The following TOGARAM2 variants were observed in gnomAD, a reference collection of about 807,000 sequenced individuals.
TOGARAM2 encodes the protein TOG array regulator of axonemal microtubules protein 2.
Under a neutral mutation model 93.3 loss-of-function variants are expected in TOGARAM2, and 85 were observed. That is an observed-to-expected ratio of 0.91 (90% CI 0.76 to 1.09). The LOEUF is 1.09. TOGARAM2 is among the 50% of genes least tolerant of loss of function. The probability of loss-of-function intolerance (pLI) is 0.00; values close to 1 mark genes in which losing one functional copy is unlikely to be tolerated. For synonymous variants in TOGARAM2, 593 were observed against 552.8 expected, an observed-to-expected ratio of 1.07 and a Z score of -1.02; for missense variants, 1,277 against 1,334.5, an observed-to-expected ratio of 0.96 and a Z score of 0.67.
In TOGARAM2 at chr2:28,998,053, C is replaced by G. The variant is rs998979329; in HGVS notation, c.29-90C>G. On this transcript the variant is annotated intron_variant, in intron 2 of 19. Transcript: ENST00000379558. ...GGCAGGGACCCTGCGGGGTGGAGTGCTCAGGGTTACGGCCGGGTGTTCTTG... is the reference window on the plus strand; with the variant it reads ...GGCAGGGACCCTGCGGGGTGGAGTGGTCAGGGTTACGGCCGGGTGTTCTTG... 3.4e-6 allele frequency: 3 copies of G among 889,168 alleles called. No individual in the cohort carries two copies. The African/African-American group carries it at 5.1e-5, about 15-fold the overall frequency. 55.1% of individuals were successfully genotyped at this position (889,168 alleles called of 1,614,324 possible).
At chr2:28,973,806 G>A (rs1000876908) in intron 1 of TOGARAM2, among the ~76,000 whole-genome samples, 1 of 152,160 alleles carries the variant, frequency 6.6e-6, no homozygotes, top group Non-Finnish European at 1.5e-5. Flanking sequence ...TAGGATTACA[G>A]GAATGAGCCA....
chr2:29,022,948 C>A, intron 11 of TOGARAM2, 138 bp from the exon 12 acceptor site: 2 of 688,488 alleles, frequency 2.9e-6, no homozygotes, highest in South Asian at 1.8e-5. Flanking sequence ...GGAAACCCTG[C>A]TCTGAGGCCA....
At chr2:29,044,560 A>T (rs928067448) in intron 18 of TOGARAM2, among the ~76,000 whole-genome samples, 1 of 151,984 alleles carries the variant, frequency 6.6e-6, no homozygotes. Flanking sequence ...CCAGTCAGTC[A>T]CCCTGGCCTC....
At chr2:28,978,813 T>C (rs536829792), upstream of TOGARAM2, among the ~76,000 whole-genome samples, 11 of 152,198 alleles carry the variant, frequency 7.2e-5, no homozygotes, top group African/African-American at 2.6e-4. Context: ...GGGCAATGAC[T>C]GGGAACACTG....
intron 1 of TOGARAM2, among the ~76,000 whole-genome samples, chr2:28,973,783 T>C (rs6744539): frequency 0.47 from 71,100 of 151,850 alleles, 17,758 homozygotes; most frequent in Middle Eastern, 0.56. Context: ...CTGCCTCAGC[T>C]TCCCTTAAGT....
chr2:29,051,539 G>A, intron 19 of TOGARAM2: 1 of 446,844 alleles, frequency 2.2e-6, no homozygotes, highest in Non-Finnish European at 3.9e-6. Flanking sequence ...GTTGGTATAA[G>A]CACAGATATA....
intron 1 of TOGARAM2, among the ~76,000 whole-genome samples, chr2:28,989,080 T>C (rs1243028478): frequency 6.6e-6 from 1 of 152,202 alleles, no homozygotes; most frequent in Non-Finnish European, 1.5e-5. Context: ...GCTGGAGTCT[T>C]GCTCTGTCGC....
intron 19 of TOGARAM2, chr2:29,048,002 C>T (rs1475712353): frequency 6.6e-6 from 1 of 152,328 alleles, no homozygotes; most frequent in East Asian, 1.9e-4. Context: ...AGCCTGTTCT[C>T]ATGCTGCTGA....
intron 7 of TOGARAM2, among the ~76,000 whole-genome samples, chr2:29,012,853 G>T (rs1572704034): frequency 6.6e-6 from 1 of 152,176 alleles, no homozygotes; most frequent in African/African-American, 2.4e-5. Flanking sequence ...TGGCCAGGTG[G>T]TGCCTACCAC....
Position 29,003,649 on chromosome 2 carries a change from G to A in TOGARAM2, c.797G>A (p.Gly266Glu). 6.3e-7 allele frequency: 1 copy of A among 1,585,118 alleles called. No homozygotes were observed. Among genetic ancestry groups the A allele is most frequent in the Non-Finnish European group, 8.6e-7 (1 of 1,167,042 alleles). The stretch of plus-strand genomic sequence containing the variant: ...CCCAGCCCGTTACCTCCAGGCCAGG[G>A]AGTCCTCACAGGCCTGAGGGCCCCA... ...SLPSPLPPGQ[G>E]VLTGLRAPRT... The change falls in exon 6 of 20, where the codon GGA becomes GAA. Residue 266 changes from glycine (G) to glutamate (E), a missense_variant. By Grantham distance (98) the Gly-to-Glu change is moderately conservative (BLOSUM62 -2). Transcript: ENST00000379558.
chr2:29,021,065 C>T (rs1462343403), intron 10 of TOGARAM2, among the ~76,000 whole-genome samples: 1 of 152,140 alleles, frequency 6.6e-6, no homozygotes, highest in African/African-American at 2.4e-5. Flanking sequence ...AGGCATGTAC[C>T]ACTATGCCCA....
In TOGARAM2 at chr2:29,017,917, A is replaced by G. The variant is rs1109758; in HGVS notation, c.1321A>G (p.Ile441Val). ...CCGGGCCTCCCTGCCCAGCATCCCC[A>G]TCAGCCGGCAGGAGCCCCGCTTTGC... ...ASRASLPSIPISRQEPRFARH... is the reference protein window; with the variant it reads ...ASRASLPSIPVSRQEPRFARH... Residue 441 changes from isoleucine to valine, a missense_variant, in exon 10 of 20, where the codon ATC becomes GTC. Coordinates refer to ENST00000379558, the MANE Select transcript of TOGARAM2 (RefSeq NM_199280.4). The G allele has an allele frequency of 0.34, 548,756 of 1,608,610 alleles. 97,722 individuals are homozygous for G. The highest frequency in any genetic ancestry group is 0.61 in the African/African-American group (45,801 of 74,842).
At chr2:28,991,909 G>T (rs1672751234) in intron 1 of TOGARAM2, among the ~76,000 whole-genome samples, 1 of 152,322 alleles carries the variant, frequency 6.6e-6, no homozygotes, top group East Asian at 1.9e-4. Flanking sequence ...CATTCCCTGG[G>T]CTGGGAAACG....
intron 18 of TOGARAM2, among the ~76,000 whole-genome samples, chr2:29,037,894 G>A (rs192476129): frequency 1.1e-4 from 16 of 152,218 alleles, no homozygotes; most frequent in Admixed American, 2.0e-4. Flanking sequence ...AAATCACCAT[G>A]GGCCTTGGAT....
chr2:29,006,434 A>ATG (rs1215999269), intron 6 of TOGARAM2, among the ~76,000 whole-genome samples: 2 of 130,282 alleles, frequency 1.5e-5, no homozygotes, highest in Non-Finnish European at 3.3e-5. Context: ...GTGTGTGTGC[A>ATG]TGTGTGTGCA....
rs748318534 is a variant in TOGARAM2 at position 29,017,887 on chromosome 2, G to T, written c.1291G>T (p.Ala431Ser). The change falls in exon 10 of 20, where the codon GCC becomes TCC. Residue 431 changes from alanine to serine, a missense_variant. Physicochemically the swap from Ala to Ser is moderately conservative, Grantham distance 99. Transcript: ENST00000379558. ...CGTCAGCATCATCCTGAGGAAGTGGGCCAGCCGGGCCTCCCTGCCCAGCAT... is the reference window on the plus strand; with the variant it reads ...CGTCAGCATCATCCTGAGGAAGTGGTCCAGCCGGGCCTCCCTGCCCAGCAT... ...NDVSIILRKW[A>S]SRASLPSIPI... 3 of 1,612,638 alleles carry T rather than the reference G, an allele frequency of 1.9e-6. No individual in the cohort carries two copies. The East Asian group carries it at 6.7e-5, about 36-fold the overall frequency.
chr2:29,048,850 T>TTA (rs1340017005), intron 19 of TOGARAM2: 2 of 146,284 alleles, frequency 1.4e-5, no homozygotes, highest in African/African-American at 5.1e-5. Context: ...AGCTAATTTT[T>TTA]TTTTTTTTTT....
chr2:29,001,535 C>G (rs912376217), intron 4 of TOGARAM2, among the ~76,000 whole-genome samples: 5 of 151,348 alleles, frequency 3.3e-5, no homozygotes, highest in African/African-American at 4.9e-5. Context: ...GAGTCTTGCT[C>G]TGTTGCCCAG....
intron 14 of TOGARAM2, among the ~76,000 whole-genome samples, chr2:29,029,161 CA>C (rs1665589412): frequency 6.6e-6 from 1 of 152,246 alleles, no homozygotes; most frequent in East Asian, 1.9e-4. Flanking sequence ...ATGTTTATAG[CA>C]GCACAATTCT....
Sources: allele counts gnomAD v4.1 joint callset (sites outside exome capture counted in the v4.1 genomes callset), GRCh38; gene constraint gnomAD v4.1.1; transcripts MANE v1.5; gene names NCBI Gene and HGNC (gene_info 2026-07-23, HGNC 2026-07-21).